The following COL6A3 variants were observed in gnomAD, a reference collection of about 807,000 sequenced individuals.
The protein encoded by COL6A3 is collagen alpha-3(VI) chain.
A neutral mutation model predicts 274.1 loss-of-function variants in COL6A3; 137 were observed. That is an observed-to-expected ratio of 0.50 (90% confidence interval 0.44 to 0.58). The LOEUF is 0.58. Ranked by LOEUF, COL6A3 falls within the 20% of genes least tolerant of loss-of-function variation. The pLI is 0.00. For missense variants in COL6A3, 3,950 were observed against 4,124.9 expected (o/e 0.96, Z 1.16); for synonymous variants, 1,650 against 1,650.6 (o/e 1.00, Z 0.01).
In COL6A3 at chr2:237,365,845, C is replaced by T. The variant is rs762064645; in HGVS notation, c.5691G>A (p.Pro1897=). 28 of 1,614,212 alleles carry T rather than the reference C, an allele frequency of 1.7e-5. No individual in the cohort carries two copies. The highest frequency in any genetic ancestry group is 1.1e-4 in the East Asian group (5 of 44,880). Reference sequence around the variant, plus strand: ...ACTCGTCAAAGTCAAAGGCCTCCACCGGGCCCGAGGGCGTGTTGGCCACCA... The same window carrying T: ...ACTCGTCAAAGTCAAAGGCCTCCACTGGGCCCGAGGGCGTGTTGGCCACCA... The part of the protein sequence containing the change: ...VSVVANTPSG[P]VEAFDFDEYQ... Residue 1897 remains proline (P), a synonymous_variant, in exon 12 of 44, where the codon CCG becomes CCA. Transcript: ENST00000295550.
intron 10 of COL6A3, among the ~76,000 whole-genome samples, chr2:237,367,765 G>A (rs1413181508): frequency 6.6e-6 from 1 of 152,198 alleles, no homozygotes; most frequent in African/African-American, 2.4e-5. Flanking sequence ...TGGAAAATAG[G>A]AAGAGGCCCC....
At chr2:237,396,684 T>C (rs1368262777) in intron 2 of COL6A3, 43 bp downstream of exon 2, 5 of 1,581,394 alleles carry the variant, frequency 3.2e-6, no homozygotes, top group East Asian at 2.2e-5. Flanking sequence ...AATCAAAGAA[T>C]GATATTCCTT....
At position 237,361,049 on chromosome 2, in the gene COL6A3, C is replaced by A; in HGVS notation, c.6210+72G>T. On this transcript the variant is annotated intron_variant, in intron 16 of 43. Coordinates refer to ENST00000295550, the MANE Select transcript of COL6A3 (RefSeq NM_004369.4). The surrounding 1 kb of genome is among the most constrained non-coding windows in gnomAD (Gnocchi z 5.1). Reference sequence around the variant, plus strand: ...CAGCAACTGAACAAATGATGAAATCCACAATGCAATCCCAATGGGTAAGGA... The same window carrying A: ...CAGCAACTGAACAAATGATGAAATCAACAATGCAATCCCAATGGGTAAGGA... 1 of 1,245,546 alleles carries A rather than the reference C, an allele frequency of 8.0e-7. No homozygotes were observed. Among genetic ancestry groups the A allele is most frequent in the Non-Finnish European group, 1.2e-6 (1 of 843,932 alleles). 77.2% of individuals were successfully genotyped at this position (1,245,546 alleles called of 1,614,324 possible). A position where few individuals can be genotyped will look rare whatever the true frequency, so the allele number is the denominator to read the frequency against.
In COL6A3 at chr2:237,374,323, C is replaced by T; in HGVS notation, c.3679+89G>A. 6.3e-7 allele frequency: 1 copy of T among 1,581,960 alleles called. No individual in the cohort carries two copies. ...TTTTCACTTCACATGGCAGGAAAAGCAAAATTGAGAACACCTTGTGGCCCA... is the reference window on the plus strand; with the variant it reads ...TTTTCACTTCACATGGCAGGAAAAGTAAAATTGAGAACACCTTGTGGCCCA... On this transcript the variant is annotated intron_variant, in intron 8 of 43. Transcript: ENST00000295550. This position sits in a 1 kb window ranked among gnomAD's most constrained non-coding sequence, Gnocchi z 4.8.
rs1349200585 is a variant in COL6A3 at position 237,407,842 on chromosome 2, T to C, written c.-31+6111A>G. Among the ~76,000 whole-genome samples the C allele has an allele frequency of 6.6e-6, 1 of 152,220 alleles. No homozygotes were observed. Among genetic ancestry groups the C allele is most frequent in the East Asian group, 1.9e-4 (1 of 5,192 alleles). On this transcript the variant is annotated intron_variant, in intron 1 of 43. Transcript: ENST00000295550. This position sits in a 1 kb window ranked among gnomAD's most constrained non-coding sequence, Gnocchi z 4.3. ...ATTATAAACATCAGGCAGAGACTAG[T>C]TCCATTTCAACATTAAAGAAGAAAG...
At chr2:237,393,094 A>C (rs976409693) in intron 3 of COL6A3, among the ~76,000 whole-genome samples, 1 of 152,186 alleles carries the variant, frequency 6.6e-6, no homozygotes, top group Admixed American at 6.5e-5. Flanking sequence ...AGGCTGTTTC[A>C]GGAATTTACT....
chr2:237,402,905 C>A (rs1200460289), intron 1 of COL6A3, among the ~76,000 whole-genome samples: 1 of 152,168 alleles, frequency 6.6e-6, no homozygotes, highest in African/African-American at 2.4e-5. Context: ...CACAGGAATT[C>A]CATTTTCCCC....
chr2:237,409,618 A>C (rs1448039624), intron 1 of COL6A3, among the ~76,000 whole-genome samples: 1 of 152,198 alleles, frequency 6.6e-6, no homozygotes, highest in Non-Finnish European at 1.5e-5. Flanking sequence ...TCAAGCGAAC[A>C]GACATAAATC....
At chr2:237,387,193 A>G (rs749937626) in intron 4 of COL6A3, among the ~76,000 whole-genome samples, 6 of 152,208 alleles carry the variant, frequency 3.9e-5, no homozygotes, top group Non-Finnish European at 7.3e-5. Flanking sequence ...ACTGACTTTT[A>G]GAGCTCAATG....
chr2:237,403,596 C>A (rs529209510), intron 1 of COL6A3, among the ~76,000 whole-genome samples: 1 of 152,226 alleles, frequency 6.6e-6, no homozygotes, highest in Admixed American at 6.5e-5. Flanking sequence ...GTGGTGATAG[C>A]GGCAGTATTG....
rs777242754 is a variant in COL6A3, at chr2:237,374,812, G to A, written c.3279C>T (p.Asn1093=). ...CCAGCAGGGTCAGCTGGCGGACAGC[G>A]TTGACGACGTCCTGCTTGTTCATGT... ...NSYMNKQDVV[N]AVRQLTLLGG... is the part of the protein sequence containing the mutation. Residue 1093 remains asparagine, a synonymous_variant, in exon 8 of 44, where the codon AAC becomes AAT. Coordinates refer to ENST00000295550, the MANE Select transcript of COL6A3 (RefSeq NM_004369.4). The surrounding 1 kb of genome is among the most constrained non-coding windows in gnomAD (Gnocchi z 4.8). 43 of 1,613,974 alleles carry A rather than the reference G, an allele frequency of 2.7e-5. No homozygotes were observed. Among genetic ancestry groups the A allele is most frequent in the East Asian group, 1.1e-4 (5 of 44,868 alleles).
rs773051161 is a variant in COL6A3, at chr2:237,394,834, C to T, written c.462G>A (p.Ser154=). 6.8e-6 allele frequency: 11 copies of T among 1,613,988 alleles called. No homozygotes were observed. Among genetic ancestry groups the T allele is most frequent in the South Asian group, 6.6e-5 (6 of 91,082 alleles). The change falls in exon 3 of 44, where the codon TCG becomes TCA. Residue 154 remains serine (S), a synonymous_variant. Coordinates refer to ENST00000295550, the MANE Select transcript of COL6A3 (RefSeq NM_004369.4). The part of the protein sequence containing the change: ...QVIVVLTDGH[S]KDGLALPSAE... ...CTGAGGGCAGAGCAAGGCCATCCTT[C>T]GAGTGTCCATCAGTTAACACTACGA... is the stretch of plus-strand genomic sequence containing the variant.
At chr2:237,351,015 T>G (rs1574960434) in intron 27 of COL6A3, 115 bp downstream of exon 27, 2 of 965,816 alleles carry the variant, frequency 2.1e-6, no homozygotes, top group East Asian at 2.4e-5. Context: ...GAGGCTGGAG[T>G]GGGAACCAGT....
intron 3 of COL6A3, among the ~76,000 whole-genome samples, chr2:237,393,569 C>A (rs79032299): frequency 0.012 from 1,823 of 152,286 alleles, 43 homozygotes; most frequent in African/African-American, 0.041. Context: ...GGATTCCTCT[C>A]TCATTTCCTG....
intron 24 of COL6A3, among the ~76,000 whole-genome samples, chr2:237,354,262 C>G (rs2077268672): frequency 6.6e-6 from 1 of 152,034 alleles, no homozygotes; most frequent in African/African-American, 2.4e-5. Flanking sequence ...AGGTGATCCG[C>G]CTGTCTCAGC....
chr2:237,324,923 C>T lies in COL6A3; in HGVS notation c.9494-109G>A, dbSNP rs1158368940. The stretch of plus-strand genomic sequence containing the variant: ...CACTGTCATTATCATGACACAGTCC[C>T]GCAGCCTCTGGTTTCCATCACCTGT... On this transcript the variant is annotated intron_variant, in intron 43 of 43. Transcript: ENST00000295550. The T allele has an allele frequency of 1.9e-5, 22 of 1,131,272 alleles. No individual in the cohort carries two copies. In the East Asian group the frequency reaches 3.1e-4, roughly 16 times the overall value. The allele number at this position is 1,131,272 out of a possible 1,614,324, so 70.1% of individuals were successfully genotyped here.
intron 41 of COL6A3, 105 bp from the exon 42 acceptor site, chr2:237,333,653 G>A (rs1166259405): frequency 1.1e-6 from 1 of 933,070 alleles, no homozygotes; most frequent in African/African-American, 1.6e-5. Flanking sequence ...AATGTCTTAT[G>A]TTGGGGAGTG....
At chr2:237,393,950 A>G (rs1400224783) in intron 3 of COL6A3, among the ~76,000 whole-genome samples, 11 of 152,220 alleles carry the variant, frequency 7.2e-5, no homozygotes, top group Admixed American at 7.2e-4. Context: ...AGCCATGATT[A>G]CCGCATGGAG....
chr2:237,363,449 C>G (rs1045941011), intron 13 of COL6A3, 51 bp from the exon 14 acceptor site: 1 of 1,605,936 alleles, frequency 6.2e-7, no homozygotes, highest in African/African-American at 1.3e-5. Context: ...GTGGAAAATG[C>G]AATGTCCTTT....
Sources: allele counts gnomAD v4.1 joint callset (sites outside exome capture counted in the v4.1 genomes callset), GRCh38; gene constraint gnomAD v4.1.1; non-coding constraint Gnocchi (gnomAD v3.1); transcripts MANE v1.5; gene names NCBI Gene and HGNC (gene_info 2026-07-23, HGNC 2026-07-21).